CLNS1A: variants seen among roughly 807,000 people sequenced by gnomAD.
The protein encoded by CLNS1A is chloride nucleotide-sensitive channel 1A, also known as methylosome subunit pICln.
A neutral mutation model predicts 29.4 loss-of-function variants in CLNS1A; 16 were observed. The ratio of observed to expected loss-of-function variants is 0.54; its 90% CI spans 0.37 to 0.83. CLNS1A has a LOEUF of 0.83. Ranked by LOEUF, CLNS1A falls within the 40% of genes least tolerant of loss-of-function variation. The pLI, the probability that CLNS1A is intolerant of heterozygous loss-of-function variation, is 0.00. For synonymous variants in CLNS1A, 96 were observed against 104.8 expected (o/e 0.92, Z 0.51); for missense variants, 235 against 287.4 (o/e 0.82, Z 1.32).
intron 2 of CLNS1A, among the ~76,000 whole-genome samples, chr11:77,626,276 T>A (rs1265967137): frequency 2.0e-5 from 3 of 151,952 alleles, no homozygotes; most frequent in Non-Finnish European, 2.9e-5. Flanking sequence ...TGAGATGGGG[T>A]CTTACGATGT....
chr11:77,632,800 A>G (rs879374788), intron 1 of CLNS1A, among the ~76,000 whole-genome samples: 9 of 152,162 alleles, frequency 5.9e-5, no homozygotes, highest in Non-Finnish European at 1.0e-4. Context: ...ATTTGACATT[A>G]TAAGCCGAGC....
Position 77,637,734 on chromosome 11 carries a change from A to G in CLNS1A, c.-20T>C. On this transcript the variant is annotated 5_prime_UTR_variant, in exon 1 of 7. Coordinates refer to ENST00000525428, the MANE Select transcript of CLNS1A (RefSeq NM_001293.3). ...GCTCATAGCAGCAGAGTGCGGCAAC[A>G]CAGGCCCTGAGGGAGTTGGAGCACA... 1 of 1,551,450 alleles carries G rather than the reference A, an allele frequency of 6.4e-7. No individual in the cohort carries two copies.
chr11:77,618,459 G>A (rs1373222486), intron 6 of CLNS1A: 2 of 152,122 alleles, frequency 1.3e-5, no homozygotes, highest in Non-Finnish European at 2.9e-5. Flanking sequence ...ATTTTAAACT[G>A]TATGGCTACC....
chr11:77,617,931 A>G (rs573919670), intron 6 of CLNS1A, among the ~76,000 whole-genome samples: 129 of 152,138 alleles, frequency 8.5e-4, no homozygotes, highest in Middle Eastern at 6.8e-3. Context: ...AAGAAAAAAA[A>G]AAAAGAAAAG....
Position 77,629,888 on chromosome 11 carries a change from C to A in CLNS1A, c.137G>T (p.Trp46Leu). The A allele has an allele frequency of 6.2e-7, 1 of 1,613,954 alleles. No homozygotes were observed. The highest frequency in any genetic ancestry group is 1.1e-5 in the South Asian group (1 of 91,068). The change falls in exon 2 of 7, where the codon TGG becomes TTG. Residue 46 changes from tryptophan (W) to leucine (L), a missense_variant. Transcript: ENST00000525428. ...GAATCCTAATCCAGAGCCATCTAACCAAGACAGGCGGCTGAAAAACATGTT... is the reference window on the plus strand; with the variant it reads ...GAATCCTAATCCAGAGCCATCTAACAAAGACAGGCGGCTGAAAAACATGTT... ...TLYIAESRLS[W>L]LDGSGLGFSL... is the part of the protein sequence containing the mutation.
intron 1 of CLNS1A, among the ~76,000 whole-genome samples, chr11:77,635,174 G>A (rs1033281736): frequency 6.6e-5 from 10 of 152,158 alleles, no homozygotes; most frequent in African/African-American, 2.4e-4. Context: ...ATTGTATTGT[G>A]GTTATACAAG....
intron 1 of CLNS1A, 96 bp from the exon 2 acceptor site, chr11:77,629,995 TATAA>T: frequency 2.0e-6 from 2 of 977,272 alleles, no homozygotes; most frequent in South Asian, 4.4e-5. Flanking sequence ...CCTTTATGCA[TATAA>T]ATAAATTCAA....
At chr11:77,632,602 T>G (rs1959085293) in intron 1 of CLNS1A, among the ~76,000 whole-genome samples, 1 of 151,228 alleles carries the variant, frequency 6.6e-6, no homozygotes, top group Non-Finnish European at 1.5e-5. Flanking sequence ...TTAAAAACAC[T>G]TATTCTAATC....
chr11:77,619,124 T>C (rs1170949606), intron 6 of CLNS1A, among the ~76,000 whole-genome samples: 1 of 152,208 alleles, frequency 6.6e-6, no homozygotes, highest in Non-Finnish European at 1.5e-5. Flanking sequence ...ATCTAACATA[T>C]AGTTGAAATA....
At chr11:77,626,466 C>T (rs1480475664) in intron 2 of CLNS1A, among the ~76,000 whole-genome samples, 1 of 152,036 alleles carries the variant, frequency 6.6e-6, no homozygotes, top group African/African-American at 2.4e-5. Context: ...TGGTGAAACC[C>T]CGTCTCTACT....
In CLNS1A at chr11:77,615,676, TC is replaced by T. The variant is rs961752944; in HGVS notation, c.*1041del. On this transcript the variant is annotated 3_prime_UTR_variant, in exon 7 of 7. Transcript: ENST00000525428. The stretch of plus-strand genomic sequence containing the variant: ...TAGAAAAAGGAAAATTCGTTTTTTT[TC>T]AGTCTACCTTGCAAGATAAGGGAAA... The T allele has an allele frequency of 7.9e-5, 12 of 152,152 alleles. No homozygotes were observed. The highest frequency in any genetic ancestry group is 2.9e-4 in the African/African-American group (12 of 41,432). 9.4% of individuals were successfully genotyped at this position (152,152 alleles called of 1,614,324 possible).
rs962613391 is a variant in CLNS1A, at chr11:77,615,351, T to C, written c.*1367A>G. On this transcript the variant is annotated 3_prime_UTR_variant, in exon 7 of 7. Coordinates refer to ENST00000525428, the MANE Select transcript of CLNS1A (RefSeq NM_001293.3). The stretch of plus-strand genomic sequence containing the variant: ...CCTGCAGCAGTGGGGAGAGTGTGCA[T>C]GCTTTCTGCTGCTGGTAGGTGGTAA... The C allele has an allele frequency of 6.6e-6, 1 of 152,194 alleles. No homozygotes were observed. The highest frequency in any genetic ancestry group is 1.5e-5 in the Non-Finnish European group (1 of 68,056). The allele number at this position is 152,194 out of a possible 1,614,324, so 9.4% of individuals were successfully genotyped here.
chr11:77,624,938 C>A (rs757265779), intron 4 of CLNS1A, 25 bp downstream of exon 4: 3 of 1,494,980 alleles, frequency 2.0e-6, no homozygotes, highest in Admixed American at 1.7e-5. Flanking sequence ...AACAAAAAAC[C>A]CACTTTAAAA....
chr11:77,615,327 C>G lies in CLNS1A; in HGVS notation c.*1391G>C, dbSNP rs1958898234. 1 of 152,106 alleles carries G rather than the reference C, an allele frequency of 6.6e-6. No individual in the cohort carries two copies. The highest frequency in any genetic ancestry group is 2.1e-4 in the South Asian group (1 of 4,824). 9.4% of individuals were successfully genotyped at this position (152,106 alleles called of 1,614,324 possible). On this transcript the variant is annotated 3_prime_UTR_variant, in exon 7 of 7. Coordinates refer to ENST00000525428, the MANE Select transcript of CLNS1A (RefSeq NM_001293.3). ...CCATTGAAATGTTAACACTGAAACC[C>G]TGCAGCAGTGGGGAGAGTGTGCATG...
At chr11:77,617,923 G>GAA (rs1218304284) in intron 6 of CLNS1A, among the ~76,000 whole-genome samples, 1 of 102,352 alleles carries the variant, frequency 9.8e-6, no homozygotes, top group Non-Finnish European at 2.1e-5. Flanking sequence ...ATCTCAAAAA[G>GAA]AAAAAAAAAA....
intron 2 of CLNS1A, among the ~76,000 whole-genome samples, chr11:77,628,245 G>A (rs970237443): frequency 6.6e-6 from 1 of 152,274 alleles, no homozygotes; most frequent in African/African-American, 2.4e-5. Flanking sequence ...TCACTATTTG[G>A]GGCCATTTCA....
chr11:77,617,303 A>G (rs1958913630), intron 6 of CLNS1A, among the ~76,000 whole-genome samples: 1 of 138,074 alleles, frequency 7.2e-6, no homozygotes. Context: ...GGGGGGGCGG[A>G]GGATTCGGTG....
intron 1 of CLNS1A, among the ~76,000 whole-genome samples, chr11:77,631,840 C>A (rs978713238): frequency 6.6e-6 from 1 of 152,048 alleles, no homozygotes; most frequent in Non-Finnish European, 1.5e-5. Context: ...AGGGTTCAGG[C>A]GATTCTCCTG....
rs904736846 is a variant in CLNS1A at position 77,615,434 on chromosome 11, C to G, written c.*1284G>C. ...AATCACAATTCACTATCTACATGAC[C>G]TTAAGCAAGTTATTTTACCTCTCTC... On this transcript the variant is annotated 3_prime_UTR_variant, in exon 7 of 7. Coordinates refer to ENST00000525428, the MANE Select transcript of CLNS1A (RefSeq NM_001293.3). The G allele has an allele frequency of 7.9e-5, 12 of 152,152 alleles. No individual in the cohort carries two copies. The highest frequency in any genetic ancestry group is 2.9e-4 in the African/African-American group (12 of 41,420). The allele number at this position is 152,152 out of a possible 1,614,324, so 9.4% of individuals were successfully genotyped here.
Sources: allele counts gnomAD v4.1 joint callset (sites outside exome capture counted in the v4.1 genomes callset), GRCh38; gene constraint gnomAD v4.1.1; transcripts MANE v1.5; gene names NCBI Gene and HGNC (gene_info 2026-07-23, HGNC 2026-07-21).